LRRC38: variants seen among roughly 807,000 people sequenced by gnomAD.
The protein encoded by LRRC38 is leucine rich repeat containing 38, also known as leucine-rich repeat-containing protein 38.
LRRC38 carries 5 observed loss-of-function variants against 16.4 expected under a neutral mutation model. The observed-to-expected ratio is 0.31, with a 90% CI of 0.16 to 0.64. LRRC38 has a LOEUF of 0.64. LRRC38 is among the 30% of genes least tolerant of loss of function. The probability of loss-of-function intolerance (pLI) is 0.80; values close to 1 mark genes in which losing one functional copy is unlikely to be tolerated. For synonymous variants in LRRC38, 191 were observed against 190.2 expected, an observed-to-expected ratio of 1.00 and a Z score of -0.04; for missense variants, 341 against 401.8, an observed-to-expected ratio of 0.85 and a Z score of 1.29.
chr1:13,496,419 C>T (rs557081046), intron 1 of LRRC38, among the ~76,000 whole-genome samples: 74 of 152,164 alleles, frequency 4.9e-4, no homozygotes, highest in African/African-American at 1.6e-3. Flanking sequence ...GCAATCTTCC[C>T]GCCTCAGCCT....
intron 1 of LRRC38, among the ~76,000 whole-genome samples, chr1:13,491,975 C>T (rs1639018581): frequency 1.3e-5 from 2 of 152,142 alleles, no homozygotes; most frequent in Non-Finnish European, 2.9e-5. Context: ...AGCGCCCGGC[C>T]AAATCTTAGC....
chr1:13,491,995 G>A (rs564653103), intron 1 of LRRC38, among the ~76,000 whole-genome samples: 2 of 152,192 alleles, frequency 1.3e-5, no homozygotes, highest in African/African-American at 4.8e-5. Flanking sequence ...CCATTTTCAG[G>A]TGGAAAGTTT....
chr1:13,476,287 T>A (rs939081798), intron 1 of LRRC38, among the ~76,000 whole-genome samples, 188 bp from the exon 2 acceptor site: 1 of 151,506 alleles, frequency 6.6e-6, no homozygotes, highest in Non-Finnish European at 1.5e-5. Context: ...GTGATCACCA[T>A]GGGAAAAGTT....
At position 13,513,275 on chromosome 1, in the gene LRRC38, C is replaced by T. The variant is rs149475966; in HGVS notation, c.319G>A (p.Val107Met). 2.8e-3 allele frequency: 4,406 copies of T among 1,550,636 alleles called. 21 individuals are homozygous for T. Among genetic ancestry groups the T allele is most frequent in the Middle Eastern group, 5.2e-3 (31 of 5,992 alleles). ...EGTFSGSAKL[V>M]FLDLSYNNLT... is the part of the protein sequence containing the mutation. ...TTGTTGTAGCTGAGGTCGAGGAACACGAGCTTGGCCGAGCCGCTGAACGTG... is the reference window on the plus strand; with the variant it reads ...TTGTTGTAGCTGAGGTCGAGGAACATGAGCTTGGCCGAGCCGCTGAACGTG... The change falls in exon 1 of 2, where the codon GTG becomes ATG. Residue 107 changes from valine (V) to methionine (M), a missense_variant. Transcript: ENST00000376085.
intron 1 of LRRC38, among the ~76,000 whole-genome samples, chr1:13,505,177 G>A (rs1460336234): frequency 6.6e-6 from 1 of 152,172 alleles, no homozygotes. Flanking sequence ...AGCCACTCCC[G>A]CTGTGCTTAG....
chr1:13,497,608 G>A (rs762676527), intron 1 of LRRC38, among the ~76,000 whole-genome samples: 7 of 145,900 alleles, frequency 4.8e-5, no homozygotes, highest in Non-Finnish European at 8.9e-5. Context: ...AAACTGGAGC[G>A]ATTCTGAAAA....
intron 1 of LRRC38, among the ~76,000 whole-genome samples, chr1:13,480,641 A>G (rs1466342750): frequency 6.6e-6 from 1 of 151,796 alleles, no homozygotes; most frequent in African/African-American, 2.4e-5. Flanking sequence ...CCTGGTTGTG[A>G]ATAAGTCTCA....
intron 1 of LRRC38, among the ~76,000 whole-genome samples, chr1:13,499,306 C>T (rs1639119818): frequency 6.6e-6 from 1 of 152,168 alleles, no homozygotes; most frequent in Non-Finnish European, 1.5e-5. Context: ...ACCATGTTGG[C>T]CAGGCTGGAC....
At position 13,513,462 on chromosome 1, in the gene LRRC38, G is replaced by A; in HGVS notation, c.132C>T (p.Asp44=). 1 of 1,546,906 alleles carries A rather than the reference G, an allele frequency of 6.5e-7. No individual in the cohort carries two copies. Among genetic ancestry groups the A allele is most frequent in the Non-Finnish European group, 8.7e-7 (1 of 1,144,830 alleles). The change falls in exon 1 of 2, where the codon GAC becomes GAT. Residue 44 remains aspartate, a synonymous_variant. Coordinates refer to ENST00000376085, the MANE Select transcript of LRRC38 (RefSeq NM_001010847.2). ...CTDPHTVDCR[D]RGLPSVPDPF... ...GGTCTGGCACGCTGGGCAGCCCGCG[G>A]TCGCGGCAGTCCACGGTGTGCGGGT...
At chr1:13,481,838 AC>A (rs1638874509) in intron 1 of LRRC38, among the ~76,000 whole-genome samples, 1 of 148,102 alleles carries the variant, frequency 6.8e-6, no homozygotes. Flanking sequence ...CCATGTGAGG[AC>A]CCAGAAAGAA....
chr1:13,475,961 G>A lies in LRRC38; in HGVS notation c.770C>T (p.Ala257Val), dbSNP rs746528588. ...GGAGATGATGGCCGCAATGGACACG[G>A]CCACACCGGAGAAAATGATGATGCA... ...DLCIIIFSGV[A>V]VSIAAIISSF... The change falls in exon 2 of 2, where the codon GCC becomes GTC. Residue 257 changes from alanine (A) to valine (V), a missense_variant. Transcript: ENST00000376085. This position sits in a 1 kb window ranked among gnomAD's most constrained non-coding sequence, Gnocchi z 4.3. 5 of 1,550,580 alleles carry A rather than the reference G, an allele frequency of 3.2e-6. No homozygotes were observed. In the Middle Eastern group the frequency reaches 5.0e-4, roughly 155 times the overall value.
At chr1:13,508,917 A>T (rs1001233270) in intron 1 of LRRC38, among the ~76,000 whole-genome samples, 57 of 152,176 alleles carry the variant, frequency 3.7e-4, no homozygotes, top group Non-Finnish European at 7.6e-4. Flanking sequence ...CTCCCCCAGC[A>T]AGCCCCAGGT....
intron 1 of LRRC38, among the ~76,000 whole-genome samples, chr1:13,510,950 C>G (rs541409237): frequency 6.6e-6 from 1 of 152,226 alleles, no homozygotes; most frequent in Admixed American, 6.5e-5. Flanking sequence ...TCGGGCCACA[C>G]AGCATGGACA....
At chr1:13,479,422 C>T (rs576486388) in intron 1 of LRRC38, among the ~76,000 whole-genome samples, 2 of 152,340 alleles carry the variant, frequency 1.3e-5, no homozygotes, top group South Asian at 4.2e-4. Context: ...CCACCACAAC[C>T]CAACAACATA....
In LRRC38 at chr1:13,513,514, G is replaced by A. The variant is rs893070170; in HGVS notation, c.80C>T (p.Ala27Val). The change falls in exon 1 of 2, where the codon GCG becomes GTG. Residue 27 changes from alanine (A) to valine (V), a missense_variant. Transcript: ENST00000376085. ...SLLLLLAPGHACPAGCACTDP... is the reference protein window; with the variant it reads ...SLLLLLAPGHVCPAGCACTDP... ...GGTGCAGGCGCAGCCCGCGGGGCAC[G>A]CGTGCCCGGGCGCGAGCAGCAGCAG... 3.5e-6 allele frequency: 5 copies of A among 1,445,764 alleles called. No homozygotes were observed. In the East Asian group the frequency reaches 1.0e-4, roughly 30 times the overall value. The allele number at this position is 1,445,764 out of a possible 1,614,324, so 89.6% of individuals were successfully genotyped here.
intron 1 of LRRC38, among the ~76,000 whole-genome samples, chr1:13,485,504 T>C (rs959295618): frequency 4.0e-5 from 6 of 151,706 alleles, no homozygotes; most frequent in African/African-American, 1.2e-4. Flanking sequence ...GGAGGCGATG[T>C]TTGCAGTGAG....
rs111620723 is a variant in LRRC38 at position 13,502,230 on chromosome 1, C to T, written c.631+10733G>A. ...GGCTGGGATTACAAGTGTGAGCCACCGCACCCGGCCAAAGTCTATTGATTA... is the reference window on the plus strand; with the variant it reads ...GGCTGGGATTACAAGTGTGAGCCACTGCACCCGGCCAAAGTCTATTGATTA... On this transcript the variant is annotated intron_variant, in intron 1 of 1. Transcript: ENST00000376085. Among the ~76,000 whole-genome samples the T allele has an allele frequency of 2.3e-3, 343 of 151,828 alleles. 1 individual carries two copies. Among genetic ancestry groups the T allele is most frequent in the African/African-American group, 7.8e-3 (324 of 41,386 alleles).
intron 1 of LRRC38, among the ~76,000 whole-genome samples, chr1:13,496,897 G>T (rs1639086801): frequency 1.3e-5 from 2 of 152,180 alleles, no homozygotes; most frequent in African/African-American, 4.8e-5. Context: ...GGCCCAGGGA[G>T]AAGGTGGCAT....
At chr1:13,498,159 AT>A (rs965416562) in intron 1 of LRRC38, among the ~76,000 whole-genome samples, 14 of 152,124 alleles carry the variant, frequency 9.2e-5, no homozygotes, top group African/African-American at 2.9e-4. Flanking sequence ...AATCGAGCAG[AT>A]AATTGACAAA....
Sources: allele counts gnomAD v4.1 joint callset (sites outside exome capture counted in the v4.1 genomes callset), GRCh38; gene constraint gnomAD v4.1.1; non-coding constraint Gnocchi (gnomAD v3.1); transcripts MANE v1.5; gene names NCBI Gene and HGNC (gene_info 2026-07-23, HGNC 2026-07-21).